ADAM22: variants seen among roughly 807,000 people sequenced by gnomAD.
ADAM22 encodes disintegrin and metalloproteinase domain-containing protein 22.
In ADAM22, 65 loss-of-function variants were observed where a neutral mutation model predicts 144.6. The observed-to-expected ratio is 0.45, with a 90% CI of 0.37 to 0.55. ADAM22 has a LOEUF of 0.55. ADAM22 is among the 20% of genes least tolerant of loss of function. The probability of loss-of-function intolerance (pLI) is 0.00; values close to 1 mark genes in which losing one functional copy is unlikely to be tolerated. For synonymous variants in ADAM22, 391 were observed against 412.6 expected (o/e 0.95, Z 0.63); for missense variants, 974 against 1,184.9 (o/e 0.82, Z 2.61).
At chr7:88,090,868 G>A (rs2129484783) in intron 4 of ADAM22, among the ~76,000 whole-genome samples, 1 of 152,284 alleles carries the variant, frequency 6.6e-6, no homozygotes, top group African/African-American at 2.4e-5. Flanking sequence ...CTTGGTTCCT[G>A]TGGGTTTGAG....
intron 15 of ADAM22, among the ~76,000 whole-genome samples, chr7:88,143,732 G>A (rs2129521636): frequency 6.6e-6 from 1 of 152,326 alleles, no homozygotes; most frequent in South Asian, 2.1e-4. Flanking sequence ...CTTTGTCCTT[G>A]CGAATTATGT....
chr7:88,139,009 G>C (rs974097308), intron 14 of ADAM22, among the ~76,000 whole-genome samples: 1 of 152,164 alleles, frequency 6.6e-6, no homozygotes, highest in Non-Finnish European at 1.5e-5. Context: ...TTACAGAGAG[G>C]CCTCTTTGTA....
At position 88,096,307 on chromosome 7, in the gene ADAM22, C is replaced by T. The variant is rs575369232; in HGVS notation, c.391-11869C>T. 1.9e-3 allele frequency among the ~76,000 whole-genome samples: 284 copies of T among 151,148 alleles called. 3 individuals are homozygous for T. Among genetic ancestry groups the T allele is most frequent in the African/African-American group, 6.5e-3 (267 of 41,208 alleles). On this transcript the variant is annotated intron_variant, in intron 4 of 31. Transcript: ENST00000413139. Reference sequence around the variant, plus strand: ...TATTTTTCAATAATTTCTGCTCTTACTTTTGTAATTTCCTTTTTTCTGCTC... The same window carrying T: ...TATTTTTCAATAATTTCTGCTCTTATTTTTGTAATTTCCTTTTTTCTGCTC...
At chr7:88,144,652 CTATTAT>C (rs147910772) in intron 15 of ADAM22, among the ~76,000 whole-genome samples, 11 of 151,670 alleles carry the variant, frequency 7.3e-5, no homozygotes, top group Non-Finnish European at 1.5e-4. Context: ...GGATGGACAA[CTATTAT>C]TATTATTATT....
intron 3 of ADAM22, among the ~76,000 whole-genome samples, chr7:88,060,990 T>A (rs1381104561): frequency 6.8e-6 from 1 of 147,094 alleles, no homozygotes; most frequent in East Asian, 2.1e-4. Flanking sequence ...TGTAGTCCCA[T>A]CTACTCAGGA....
At chr7:88,075,786 C>G in intron 4 of ADAM22, 94 bp downstream of exon 4, 1 of 980,172 alleles carries the variant, frequency 1.0e-6, no homozygotes, top group South Asian at 1.5e-5. Context: ...TTCTAATGTA[C>G]AGTTTTGAGG....
chr7:88,087,421 A>G (rs1021053483), intron 4 of ADAM22, among the ~76,000 whole-genome samples: 4 of 152,176 alleles, frequency 2.6e-5, no homozygotes, highest in Admixed American at 2.0e-4. Flanking sequence ...TAAAAGACAC[A>G]CTCCAGGCCA....
chr7:88,176,864 A>C (rs1395767243), intron 26 of ADAM22, among the ~76,000 whole-genome samples: 1 of 152,100 alleles, frequency 6.6e-6, no homozygotes, highest in Non-Finnish European at 1.5e-5. Flanking sequence ...TCCCAAGTTC[A>C]AGCACTTCTT....
At chr7:88,142,982 A>G (rs758902127) in intron 14 of ADAM22, 44 bp from the exon 15 acceptor site, 2 of 1,225,826 alleles carry the variant, frequency 1.6e-6, no homozygotes, top group Admixed American at 3.7e-5. Context: ...CACAAATGAG[A>G]AAGATGAGTT....
chr7:88,156,974 A>G (rs1200375501), intron 22 of ADAM22, among the ~76,000 whole-genome samples: 3 of 152,148 alleles, frequency 2.0e-5, no homozygotes, highest in Admixed American at 1.3e-4. Flanking sequence ...ACTTATCAAT[A>G]TTTATGAGAG....
chr7:87,983,863 T>C (rs1337638494), intron 3 of ADAM22, among the ~76,000 whole-genome samples: 1 of 152,188 alleles, frequency 6.6e-6, no homozygotes, highest in African/African-American at 2.4e-5. Flanking sequence ...GTTTTTCTAG[T>C]CAGTTAAAGC....
Position 88,197,953 on chromosome 7 carries a change from A to G in ADAM22, c.*1462A>G, listed in dbSNP as rs1363138663. ...GGAAAATAAGATTCTATTTTAAAAGACCCTTCTTTAAAACCAAAGTTTGAT... is the reference window on the plus strand; with the variant it reads ...GGAAAATAAGATTCTATTTTAAAAGGCCCTTCTTTAAAACCAAAGTTTGAT... On this transcript the variant is annotated 3_prime_UTR_variant, in exon 32 of 32. Transcript: ENST00000413139. 6.6e-6 allele frequency: 1 copy of G among 152,142 alleles called. No individual in the cohort carries two copies. Among genetic ancestry groups the G allele is most frequent in the Non-Finnish European group, 1.5e-5 (1 of 68,020 alleles). The allele number at this position is 152,142 out of a possible 1,614,324, so 9.4% of individuals were successfully genotyped here. A position where few individuals can be genotyped will look rare whatever the true frequency, so the allele number is the denominator to read the frequency against.
chr7:88,105,268 G>A (rs1435426204), intron 4 of ADAM22, among the ~76,000 whole-genome samples: 1 of 151,782 alleles, frequency 6.6e-6, no homozygotes, highest in Admixed American at 6.6e-5. Flanking sequence ...ATGTGTTACT[G>A]TTCACTATGA....
intron 3 of ADAM22, among the ~76,000 whole-genome samples, chr7:88,051,718 AG>A (rs992565533): frequency 2.0e-5 from 3 of 152,042 alleles, no homozygotes; most frequent in Non-Finnish European, 2.9e-5. Context: ...AAAAAAAAAA[AG>A]AATGTGGTTT....
In ADAM22 at chr7:88,118,672, T is replaced by TC. The variant is rs1240305756; in HGVS notation, c.607+1858_607+1859insC. 2.1e-5 allele frequency among the ~76,000 whole-genome samples: 3 copies of TC among 139,790 alleles called. No individual in the cohort carries two copies. The East Asian group carries it at 6.1e-4, about 28-fold the overall frequency. 91.7% of individuals were successfully genotyped at this position (139,790 alleles called of 152,430 possible). ...CTATCTATCTATATATATATATATC[T>TC]TTTTTTTTTTTGAGAAAATCATTCA... On this transcript the variant is annotated intron_variant, in intron 7 of 31. Coordinates refer to ENST00000413139, the MANE Select transcript of ADAM22 (RefSeq NM_001324418.2).
chr7:87,948,891 C>T (rs1844363760), intron 2 of ADAM22, among the ~76,000 whole-genome samples: 1 of 152,148 alleles, frequency 6.6e-6, no homozygotes, highest in Non-Finnish European at 1.5e-5. Context: ...TAGCACTGTG[C>T]CTGACACACA....
chr7:88,132,955 G>A lies in ADAM22; in HGVS notation c.1077+4G>A. Reference sequence around the variant, plus strand: ...GAAAGGAGGAGGCGTGAATGAAGTAGGTGTGAACATCTGTACAATACAAAG... The same window carrying A: ...GAAAGGAGGAGGCGTGAATGAAGTAAGTGTGAACATCTGTACAATACAAAG... On this transcript the variant is annotated splice_donor_region_variant and intron_variant, in intron 12 of 31. Coordinates refer to ENST00000413139, the MANE Select transcript of ADAM22 (RefSeq NM_001324418.2). The A allele has an allele frequency of 6.2e-7, 1 of 1,613,392 alleles. No individual in the cohort carries two copies. The highest frequency in any genetic ancestry group is 8.5e-7 in the Non-Finnish European group (1 of 1,179,458).
intron 3 of ADAM22, among the ~76,000 whole-genome samples, chr7:87,989,586 A>G (rs1319811760): frequency 6.6e-6 from 1 of 152,174 alleles, no homozygotes; most frequent in Admixed American, 6.5e-5. Context: ...CTTTGCTACT[A>G]TTATTAACAC....
intron 21 of ADAM22, among the ~76,000 whole-genome samples, chr7:88,154,548 A>G (rs1839366344): frequency 6.6e-6 from 1 of 152,038 alleles, no homozygotes; most frequent in Non-Finnish European, 1.5e-5. Flanking sequence ...GAACTTCCAC[A>G]GCCCTTTGTA....
Sources: gnomAD v4.1 joint callset for allele counts (sites outside exome capture counted in the v4.1 genomes callset) on GRCh38, gnomAD v4.1.1 for gene constraint, MANE v1.5 for transcripts, NCBI Gene and HGNC (gene_info 2026-07-23, HGNC 2026-07-21) for gene names.